EHD4: variants seen among roughly 807,000 people sequenced by gnomAD.
The protein encoded by EHD4 is EH domain containing 4, also known as EH domain-containing protein 4.
In EHD4, 37 loss-of-function variants were observed where a neutral mutation model predicts 51.0. The observed-to-expected ratio is 0.73, with a 90% confidence interval of 0.56 to 0.95. The LOEUF is 0.95. Among genes scored for constraint, EHD4 ranks in the 40% least tolerant of loss-of-function variants. The pLI is 0.00. For missense variants in EHD4, 632 were observed against 733.1 expected (o/e 0.86, Z 1.59); for synonymous variants, 297 against 317.3 (o/e 0.94, Z 0.68).
chr15:41,954,246 GCC>G (rs2067871980), intron 1 of EHD4, among the ~76,000 whole-genome samples: 1 of 152,186 alleles, frequency 6.6e-6, no homozygotes, highest in Non-Finnish European at 1.5e-5. Context: ...TGTGCCTGCT[GCC>G]AGCGTGGTGC....
At chr15:41,962,774 G>A (rs1403318763) in intron 1 of EHD4, among the ~76,000 whole-genome samples, 5 of 152,036 alleles carry the variant, frequency 3.3e-5, no homozygotes, top group South Asian at 2.1e-4. Flanking sequence ...CTGCCCGGCC[G>A]CCACCCTGTC....
intron 1 of EHD4, 142 bp downstream of exon 1, chr15:41,972,117 G>A: frequency 1.2e-6 from 1 of 802,756 alleles, no homozygotes; most frequent in African/African-American, 1.9e-5. Flanking sequence ...GGGCGGGGCC[G>A]AGGGCACCGG....
intron 5 of EHD4, among the ~76,000 whole-genome samples, chr15:41,904,042 C>T (rs563371878): frequency 6.5e-4 from 99 of 152,244 alleles, no homozygotes; most frequent in African/African-American, 2.3e-3. Flanking sequence ...GAGGAGCAGG[C>T]GTCCCCCACA....
At chr15:41,970,907 T>G (rs968665000) in intron 1 of EHD4, among the ~76,000 whole-genome samples, 1 of 152,256 alleles carries the variant, frequency 6.6e-6, no homozygotes, top group African/African-American at 2.4e-5. Context: ...TTTGTCATCT[T>G]TCAAGGTGCC....
intron 5 of EHD4, 138 bp downstream of exon 5, chr15:41,909,561 A>C: frequency 9.7e-7 from 1 of 1,027,516 alleles, no homozygotes; most frequent in Non-Finnish European, 1.4e-6. Context: ...ATAGCCTATT[A>C]TCATGGATCA....
At position 41,912,773 on chromosome 15, in the gene EHD4, A is replaced by AC. The variant is rs561094355; in HGVS notation, c.925-2911dup. Among the ~76,000 whole-genome samples, 5 of 152,052 alleles carry AC rather than the reference A, an allele frequency of 3.3e-5. No individual in the cohort carries two copies. In the South Asian group the frequency reaches 1.0e-3, roughly 32 times the overall value. ...TCATGAAATACTGAATCTGGAAGTGACCCCCCAATATCTACTTTAATTCCT... is the reference window on the plus strand; with the variant it reads ...TCATGAAATACTGAATCTGGAAGTGACCCCCCCAATATCTACTTTAATTCCT... On this transcript the variant is annotated intron_variant, in intron 4 of 5. Coordinates refer to ENST00000220325, the MANE Select transcript of EHD4 (RefSeq NM_139265.4).
chr15:41,955,126 A>G (rs2067878753), intron 1 of EHD4, among the ~76,000 whole-genome samples: 1 of 152,160 alleles, frequency 6.6e-6, no homozygotes, highest in South Asian at 2.1e-4. Flanking sequence ...TTTAGAGAAA[A>G]AAATCTGCTA....
intron 3 of EHD4, among the ~76,000 whole-genome samples, chr15:41,940,857 G>A (rs117595127): frequency 6.6e-6 from 1 of 152,214 alleles, no homozygotes; most frequent in African/African-American, 2.4e-5. Context: ...CAAGACTCAG[G>A]TGAACAGAAC....
chr15:41,899,597 C>T lies in EHD4; in HGVS notation c.*1048G>A, dbSNP rs1160237699. On this transcript the variant is annotated 3_prime_UTR_variant, in exon 6 of 6. Coordinates refer to ENST00000220325, the MANE Select transcript of EHD4 (RefSeq NM_139265.4). ...TCTGGGTGGACTGATCTCTTCTCAA[C>T]AGCCCAGGGCAGGGCTGGTCCCTCA... 1 of 152,030 alleles carries T rather than the reference C, an allele frequency of 6.6e-6. No homozygotes were observed. Among genetic ancestry groups the T allele is most frequent in the Non-Finnish European group, 1.5e-5 (1 of 68,020 alleles). 9.4% of individuals were successfully genotyped at this position (152,030 alleles called of 1,614,324 possible).
chr15:41,939,272 A>T (rs578157489), intron 3 of EHD4, among the ~76,000 whole-genome samples: 1 of 152,258 alleles, frequency 6.6e-6, no homozygotes, highest in Non-Finnish European at 1.5e-5. Flanking sequence ...CTATTACTTG[A>T]TCAGAATATT....
At chr15:41,922,343 A>G (rs1205921662) in intron 3 of EHD4, among the ~76,000 whole-genome samples, 1 of 152,144 alleles carries the variant, frequency 6.6e-6, no homozygotes, top group Non-Finnish European at 1.5e-5. Flanking sequence ...CCATGGACCC[A>G]CCACTATACT....
At chr15:41,910,007 CA>C (rs2067538860) in intron 4 of EHD4, 144 bp from the exon 5 acceptor site, 1 of 1,066,140 alleles carries the variant, frequency 9.4e-7, no homozygotes, top group Non-Finnish European at 1.4e-6. Flanking sequence ...GGGGAGGGTC[CA>C]GGGGGAGTGG....
chr15:41,963,156 G>A (rs1171445845), intron 1 of EHD4, among the ~76,000 whole-genome samples: 2 of 152,112 alleles, frequency 1.3e-5, no homozygotes, highest in East Asian at 1.9e-4. Flanking sequence ...CAAACACTGC[G>A]GAAGGCCGCA....
At chr15:41,928,208 G>A (rs137920917) in intron 3 of EHD4, 3 of 152,324 alleles carry the variant, frequency 2.0e-5, no homozygotes, top group African/African-American at 7.2e-5. Context: ...CAAAATGATA[G>A]CTATAAATCA....
intron 1 of EHD4, among the ~76,000 whole-genome samples, chr15:41,968,453 C>CTT (rs11291085): frequency 0.016 from 2,015 of 124,638 alleles, 83 homozygotes; most frequent in Non-Finnish European, 0.025. Flanking sequence ...ATCTTTACTC[C>CTT]TTTTTTTTTT....
chr15:41,903,855 C>G (rs988573674), intron 5 of EHD4, among the ~76,000 whole-genome samples: 1 of 152,170 alleles, frequency 6.6e-6, no homozygotes, highest in Non-Finnish European at 1.5e-5. Context: ...CATGCAAACC[C>G]AGCGTGTGGC....
At chr15:41,948,218 A>G (rs1333477984) in intron 2 of EHD4, among the ~76,000 whole-genome samples, 2 of 151,936 alleles carry the variant, frequency 1.3e-5, no homozygotes, top group Non-Finnish European at 2.9e-5. Context: ...GCGCCACTGC[A>G]CTCCAGCATA....
chr15:41,943,020 G>A (rs1438161717), intron 3 of EHD4, 47 bp downstream of exon 3: 2 of 1,447,556 alleles, frequency 1.4e-6, no homozygotes, highest in Non-Finnish European at 1.9e-6. Flanking sequence ...ACAGCAGAGA[G>A]GGCCTCAGCC....
chr15:41,963,810 T>C (rs182723123), intron 1 of EHD4, among the ~76,000 whole-genome samples: 4 of 152,008 alleles, frequency 2.6e-5, no homozygotes, highest in Admixed American at 2.0e-4. Flanking sequence ...TGACAAAGGA[T>C]TGATATCTGT....
Sources: allele counts gnomAD v4.1 joint callset (sites outside exome capture counted in the v4.1 genomes callset), GRCh38; gene constraint gnomAD v4.1.1; transcripts MANE v1.5; gene names NCBI Gene and HGNC (gene_info 2026-07-23, HGNC 2026-07-21).